PI4K2B: variants seen among roughly 807,000 people sequenced by gnomAD.
PI4K2B encodes phosphatidylinositol 4-kinase type 2-beta.
Under a neutral mutation model 56.6 loss-of-function variants are expected in PI4K2B, and 46 were observed. The ratio of observed to expected loss-of-function variants is 0.81; its 90% confidence interval spans 0.64 to 1.04. PI4K2B has a LOEUF of 1.04. Among genes scored for constraint, PI4K2B ranks in the 50% least tolerant of loss-of-function variants. The pLI is 0.00. For synonymous variants in PI4K2B, 211 were observed against 223.8 expected (o/e 0.94, Z 0.51); for missense variants, 556 against 607.7 (o/e 0.91, Z 0.89).
intron 1 of PI4K2B, among the ~76,000 whole-genome samples, chr4:25,247,711 CTT>C (rs111513370): frequency 6.8e-6 from 1 of 146,924 alleles, no homozygotes. Context: ...CCTCAAGTTT[CTT>C]TTTTTTTTTG....
chr4:25,252,178 A>G, intron 1 of PI4K2B, 143 bp from the exon 2 acceptor site: 3 of 486,710 alleles, frequency 6.2e-6, no homozygotes, highest in Non-Finnish European at 1.1e-5. Context: ...GTTGTTAGGC[A>G]GTGGGGGGAA....
chr4:25,234,173 C>A lies in PI4K2B; in HGVS notation c.10C>A (p.Pro4Thr), dbSNP rs863223383. The A allele has an allele frequency of 7.3e-7, 1 of 1,378,050 alleles. No homozygotes were observed. The highest frequency in any genetic ancestry group is 9.4e-7 in the Non-Finnish European group (1 of 1,064,574). 85.4% of individuals were successfully genotyped at this position (1,378,050 alleles called of 1,614,324 possible). Reference protein sequence around the residue: MEDPSEPDRLASAD... With the variant: MEDTSEPDRLASAD... ...GGAGCAGAGGGAGTCCATGGAGGAT[C>A]CCTCCGAGCCCGACCGGTTGGCGTC... The change falls in exon 1 of 10, where the codon CCC becomes ACC. Residue 4 changes from proline (P) to threonine (T), a missense_variant. By Grantham distance (38) the Pro-to-Thr change is conservative. Coordinates refer to ENST00000264864, the MANE Select transcript of PI4K2B (RefSeq NM_018323.4).
intron 2 of PI4K2B, among the ~76,000 whole-genome samples, chr4:25,254,787 A>C (rs976551814): frequency 6.6e-6 from 1 of 152,210 alleles, no homozygotes; most frequent in Non-Finnish European, 1.5e-5. Context: ...GTTAAGTGGC[A>C]TGGGGTCTTG....
chr4:25,255,825 G>GC (rs1477322120), intron 3 of PI4K2B, among the ~76,000 whole-genome samples: 2 of 151,576 alleles, frequency 1.3e-5, no homozygotes, highest in Non-Finnish European at 2.9e-5. Flanking sequence ...CTCAGGTGCA[G>GC]CCTCATCCTG....
Position 25,252,408 on chromosome 4 carries a change from T to C in PI4K2B, c.356T>C (p.Val119Ala). The change falls in exon 2 of 10, where the codon GTT (valine) becomes GCT (alanine). Residue 119 changes from valine (V) to alanine (A), a missense_variant. Physicochemically the swap from Val to Ala is moderately conservative, Grantham distance 64 (BLOSUM62 0). Coordinates refer to ENST00000264864, the MANE Select transcript of PI4K2B (RefSeq NM_018323.4). ...CTGAGAGCAGAGCAAGCAATAGAAG[T>C]TGGAATTTTTCCAGAAAGAATCTCT... is the stretch of plus-strand genomic sequence containing the variant. Reference protein sequence around the residue: ...IMLRAEQAIEVGIFPERISQG... With the variant: ...IMLRAEQAIEAGIFPERISQG... 1 of 1,611,234 alleles carries C rather than the reference T, an allele frequency of 6.2e-7. No homozygotes were observed. Among genetic ancestry groups the C allele is most frequent in the African/African-American group, 1.3e-5 (1 of 74,988 alleles).
At chr4:25,253,285 T>C (rs1716134560) in intron 2 of PI4K2B, among the ~76,000 whole-genome samples, 2 of 152,224 alleles carry the variant, frequency 1.3e-5, no homozygotes, top group Non-Finnish European at 2.9e-5. Context: ...GATTCTAAAG[T>C]GGAAAAGAGA....
At chr4:25,234,606 C>G (rs781368262) in intron 1 of PI4K2B, among the ~76,000 whole-genome samples, 175 bp downstream of exon 1, 1 of 152,240 alleles carries the variant, frequency 6.6e-6, no homozygotes, top group Non-Finnish European at 1.5e-5. Flanking sequence ...GGGCACCTAG[C>G]TTGCTCGCTC....
intron 2 of PI4K2B, among the ~76,000 whole-genome samples, chr4:25,253,710 A>AC: frequency 6.6e-6 from 1 of 152,374 alleles, no homozygotes; most frequent in African/African-American, 2.4e-5. Context: ...GTATCAAACA[A>AC]TAAGAGTACA....
rs1293341077 is a variant in PI4K2B at position 25,234,436 on chromosome 4, G to C, written c.268+5G>C. 1.5e-6 allele frequency: 2 copies of C among 1,326,826 alleles called. No homozygotes were observed. Among genetic ancestry groups the C allele is most frequent in the Non-Finnish European group, 1.9e-6 (2 of 1,038,442 alleles). The allele number at this position is 1,326,826 out of a possible 1,614,324, so 82.2% of individuals were successfully genotyped here. A position where few individuals can be genotyped will look rare whatever the true frequency, so the allele number is the denominator to read the frequency against. Reference sequence around the variant, plus strand: ...GGAGCCGCCCCGCGGTTTCAGGTGCGACCCGGCCCTGCCCCACTCCCCGCG... The same window carrying C: ...GGAGCCGCCCCGCGGTTTCAGGTGCCACCCGGCCCTGCCCCACTCCCCGCG... On this transcript the variant is annotated splice_donor_5th_base_variant and intron_variant, in intron 1 of 9. Coordinates refer to ENST00000264864, the MANE Select transcript of PI4K2B (RefSeq NM_018323.4).
At chr4:25,264,507 CA>C (rs11300685) in intron 7 of PI4K2B, among the ~76,000 whole-genome samples, 125,611 of 151,834 alleles carry the variant, frequency 0.83, 52,013 homozygotes, top group Non-Finnish European at 0.84. Flanking sequence ...GCCAGTTTTG[CA>C]AAAAAAAATT....
At chr4:25,239,191 C>T (rs879847658) in intron 1 of PI4K2B, among the ~76,000 whole-genome samples, 8 of 152,208 alleles carry the variant, frequency 5.3e-5, no homozygotes, top group Non-Finnish European at 1.0e-4. Context: ...CAGTGGATCC[C>T]ACACTGGGGC....
intron 9 of PI4K2B, among the ~76,000 whole-genome samples, chr4:25,273,187 A>C (rs942020800): frequency 6.7e-6 from 1 of 149,786 alleles, no homozygotes; most frequent in African/African-American, 2.5e-5. Context: ...AAGATAAACA[A>C]TGTTTTGAAT....
chr4:25,255,316 A>G, intron 3 of PI4K2B, 51 bp downstream of exon 3: 1 of 1,418,084 alleles, frequency 7.1e-7, no homozygotes, highest in Non-Finnish European at 9.9e-7. Context: ...CAACCTGCTT[A>G]TATCTGAATA....
At chr4:25,245,117 A>G (rs1449121809) in intron 1 of PI4K2B, among the ~76,000 whole-genome samples, 4 of 152,124 alleles carry the variant, frequency 2.6e-5, no homozygotes, top group East Asian at 3.9e-4. Flanking sequence ...TGTTAGGCCT[A>G]TTAGTCTGAG....
At chr4:25,243,257 A>G (rs1344199633) in intron 1 of PI4K2B, among the ~76,000 whole-genome samples, 3 of 152,100 alleles carry the variant, frequency 2.0e-5, no homozygotes, top group African/African-American at 7.2e-5. Flanking sequence ...GGGGCTTCTG[A>G]CCCAGGGAAC....
chr4:25,268,706 A>T, intron 8 of PI4K2B, 130 bp downstream of exon 8: 1 of 603,882 alleles, frequency 1.7e-6, no homozygotes, highest in Admixed American at 3.5e-5. Flanking sequence ...CAGGACAGAG[A>T]GGAATTAGCA....
intron 3 of PI4K2B, among the ~76,000 whole-genome samples, chr4:25,256,042 C>G (rs908183368): frequency 6.6e-6 from 1 of 152,208 alleles, no homozygotes; most frequent in African/African-American, 2.4e-5. Context: ...CCTCAGCCTC[C>G]TGAGTAGCTT....
intron 3 of PI4K2B, among the ~76,000 whole-genome samples, chr4:25,256,321 G>T (rs566316108): frequency 6.6e-5 from 10 of 152,266 alleles, no homozygotes; most frequent in Middle Eastern, 6.8e-3. Context: ...GGCAAATTTA[G>T]GCCTCTAAAA....
chr4:25,251,237 C>T (rs1716036161), intron 1 of PI4K2B, among the ~76,000 whole-genome samples: 2 of 151,894 alleles, frequency 1.3e-5, no homozygotes, highest in Non-Finnish European at 2.9e-5. Flanking sequence ...GGGGGCTGGT[C>T]GTAGTATTTT....
Sources: allele counts gnomAD v4.1 joint callset (sites outside exome capture counted in the v4.1 genomes callset), GRCh38; gene constraint gnomAD v4.1.1; transcripts MANE v1.5; gene names NCBI Gene and HGNC (gene_info 2026-07-23, HGNC 2026-07-21).